Variants in MSANTD4 observed in about 807,000 individuals in gnomAD.
The protein encoded by MSANTD4 is Myb/SANT DNA binding domain containing 4 with coiled-coils.
In MSANTD4, 13 loss-of-function variants were observed where a neutral mutation model predicts 34.3. The observed-to-expected ratio is 0.38, with a 90% CI of 0.25 to 0.60. The LOEUF is 0.60. Among genes scored for constraint, MSANTD4 ranks in the 20% least tolerant of loss-of-function variants. MSANTD4 has a pLI of 0.63. For missense variants in MSANTD4, 358 were observed against 401.8 expected (o/e 0.89, Z 0.93); for synonymous variants, 137 against 145.2 (o/e 0.94, Z 0.41).
intron 2 of MSANTD4, 87 bp from the exon 3 acceptor site, chr11:106,010,197 G>A (rs1045696951): frequency 2.1e-5 from 28 of 1,323,714 alleles, no homozygotes; most frequent in Middle Eastern, 2.0e-4. Context: ...TTTCTGCGTC[G>A]TTTGGGGAAA....
At chr11:106,020,859 G>T (rs2134965377) in intron 1 of MSANTD4, 103 bp downstream of exon 1, 1 of 152,324 alleles carries the variant, frequency 6.6e-6, no homozygotes. Flanking sequence ...TGGCTTAATT[G>T]TGTGAAAATC....
chr11:106,012,834 A>C (rs950146859), intron 1 of MSANTD4, among the ~76,000 whole-genome samples: 1 of 152,182 alleles, frequency 6.6e-6, no homozygotes, highest in Non-Finnish European at 1.5e-5. Flanking sequence ...CAAGCCTTAC[A>C]TAAGTGCATC....
At chr11:106,022,257 T>C (rs1280940545), upstream of MSANTD4, 1 of 152,600 alleles carries the variant, frequency 6.6e-6, no homozygotes, top group Non-Finnish European at 1.5e-5. Flanking sequence ...AGATGCTTCA[T>C]TGATCCCCCG....
chr11:106,019,943 T>C (rs923043791), intron 1 of MSANTD4, among the ~76,000 whole-genome samples: 3 of 152,214 alleles, frequency 2.0e-5, no homozygotes, highest in East Asian at 1.9e-4. Flanking sequence ...ATGGGAATAA[T>C]AGACTAATAC....
Position 106,013,056 on chromosome 11 carries a change from T to G in MSANTD4, c.-150-1989A>C, listed in dbSNP as rs754757235. Among the ~76,000 whole-genome samples the G allele has an allele frequency of 1.3e-3, 191 of 152,290 alleles. 1 individual carries two copies. The highest frequency in any genetic ancestry group is 2.2e-3 in the Non-Finnish European group (153 of 68,018). On this transcript the variant is annotated intron_variant, in intron 1 of 2. Transcript: ENST00000301919. Reference sequence around the variant, plus strand: ...TCTCACACAGTATAGTACATATTGCTTTATTAATATTGATTCAACTGAGGA... The same window carrying G: ...TCTCACACAGTATAGTACATATTGCGTTATTAATATTGATTCAACTGAGGA...
Position 106,009,864 on chromosome 11 carries a change from T to A in MSANTD4, c.709A>T (p.Lys237Ter). Residue 237 changes from lysine to a stop codon, truncating the protein, a stop_gained, in exon 3 of 3, where the codon AAA (lysine) becomes TAA (stop). Transcript: ENST00000301919. LOFTEE classifies it high-confidence loss of function. The part of the protein sequence containing the change: ...QVEKERLQIE[K>*]ERLRHLDMEH... ...ATGTCTAAATGCCGCAGCCTCTCTT[T>A]CTCGATTTGTAGGCGTTCCTTTTCT... is the stretch of plus-strand genomic sequence containing the variant. 6.2e-7 allele frequency: 1 copy of A among 1,613,818 alleles called. No individual in the cohort carries two copies.
At chr11:106,014,510 C>G (rs1366453263) in intron 1 of MSANTD4, among the ~76,000 whole-genome samples, 2 of 152,172 alleles carry the variant, frequency 1.3e-5, no homozygotes, top group Non-Finnish European at 2.9e-5. Flanking sequence ...TACTCTAATT[C>G]ACAATACAAA....
rs374884627 is a variant in MSANTD4 at position 106,009,405 on chromosome 11, T to C, written c.*130A>G. On this transcript the variant is annotated 3_prime_UTR_variant, in exon 3 of 3. Coordinates refer to ENST00000301919, the MANE Select transcript of MSANTD4 (RefSeq NM_032424.3). ...CTACTTAGGCATACAGTTATCCACATATAACTTTTTCCTACTGAACACTGA... is the reference window on the plus strand; with the variant it reads ...CTACTTAGGCATACAGTTATCCACACATAACTTTTTCCTACTGAACACTGA... The C allele has an allele frequency of 2.4e-6, 2 of 817,672 alleles. No individual in the cohort carries two copies. The highest frequency in any genetic ancestry group is 3.8e-6 in the Non-Finnish European group (2 of 525,370). The allele number at this position is 817,672 out of a possible 1,614,324, so 50.7% of individuals were successfully genotyped here.
In MSANTD4 at chr11:106,021,627, A is replaced by C. The variant is rs1174281186; in HGVS notation, c.-816T>G. 1 of 152,178 alleles carries C rather than the reference A, an allele frequency of 6.6e-6. No homozygotes were observed. 9.4% of individuals were successfully genotyped at this position (152,178 alleles called of 1,614,324 possible). On this transcript the variant is annotated 5_prime_UTR_variant, in exon 1 of 3. The change abolishes the stop of an existing upstream ORF in the 5' untranslated region. Coordinates refer to ENST00000301919, the MANE Select transcript of MSANTD4 (RefSeq NM_032424.3). Reference sequence around the variant, plus strand: ...TGGCTTTCCCCTCCCCTATATTCTTATAGGGGATTCACTTCCCTGCCAAAA... The same window carrying C: ...TGGCTTTCCCCTCCCCTATATTCTTCTAGGGGATTCACTTCCCTGCCAAAA...
In MSANTD4 at chr11:106,018,367, T is replaced by G. The variant is rs533508764; in HGVS notation, c.-151+2595A>C. On this transcript the variant is annotated intron_variant, in intron 1 of 2. Coordinates refer to ENST00000301919, the MANE Select transcript of MSANTD4 (RefSeq NM_032424.3). Reference sequence around the variant, plus strand: ...TTAGTAGCTAATCTACTCAAAAGTGTAGGTCTATAGCACATCAAAATAACC... The same window carrying G: ...TTAGTAGCTAATCTACTCAAAAGTGGAGGTCTATAGCACATCAAAATAACC... Among the ~76,000 whole-genome samples the G allele has an allele frequency of 1.3e-3, 191 of 152,308 alleles. 1 individual carries two copies. The highest frequency in any genetic ancestry group is 4.3e-3 in the African/African-American group (178 of 41,570).
At chr11:106,012,798 C>G (rs1380713693) in intron 1 of MSANTD4, among the ~76,000 whole-genome samples, 1 of 152,148 alleles carries the variant, frequency 6.6e-6, no homozygotes, top group Non-Finnish European at 1.5e-5. Context: ...GATTCACATG[C>G]CTCACTCTCT....
chr11:106,013,588 C>T (rs1309834206), intron 1 of MSANTD4, among the ~76,000 whole-genome samples: 1 of 152,150 alleles, frequency 6.6e-6, no homozygotes, highest in Non-Finnish European at 1.5e-5. Flanking sequence ...TGCCCAGGCG[C>T]GGTGGCTCAT....
intron 2 of MSANTD4, 129 bp from the exon 3 acceptor site, chr11:106,010,239 C>T (rs1565387117): frequency 2.6e-5 from 29 of 1,133,960 alleles, no homozygotes; most frequent in Non-Finnish European, 3.5e-5. Flanking sequence ...ATATCATTTA[C>T]ACTGAATTAC....
At chr11:106,015,184 G>A (rs1298069230) in intron 1 of MSANTD4, among the ~76,000 whole-genome samples, 2 of 152,152 alleles carry the variant, frequency 1.3e-5, no homozygotes, top group Non-Finnish European at 2.9e-5. Context: ...AACATCAAAA[G>A]AGGTAGTGTG....
chr11:106,020,138 CA>C (rs1386999086), intron 1 of MSANTD4, among the ~76,000 whole-genome samples: 1 of 152,060 alleles, frequency 6.6e-6, no homozygotes, highest in Admixed American at 6.6e-5. Context: ...GAAATACTAA[CA>C]AAATACTCTG....
At chr11:106,013,258 T>C (rs1412347746) in intron 1 of MSANTD4, among the ~76,000 whole-genome samples, 1 of 152,122 alleles carries the variant, frequency 6.6e-6, no homozygotes, top group Non-Finnish European at 1.5e-5. Context: ...TGACTTTTCC[T>C]CCCCTACAAA....
chr11:106,012,992 C>A (rs553906550), intron 1 of MSANTD4, among the ~76,000 whole-genome samples: 1 of 152,094 alleles, frequency 6.6e-6, no homozygotes, highest in African/African-American at 2.4e-5. Flanking sequence ...TGTCTCATAG[C>A]GGCAGAAAAT....
At chr11:106,012,523 A>G (rs1360830709) in intron 1 of MSANTD4, among the ~76,000 whole-genome samples, 1 of 152,210 alleles carries the variant, frequency 6.6e-6, no homozygotes, top group Non-Finnish European at 1.5e-5. Context: ...CAATATTTGT[A>G]TACAGATTTT....
intron 1 of MSANTD4, among the ~76,000 whole-genome samples, chr11:106,015,584 T>C (rs954716267): frequency 6.6e-6 from 1 of 152,226 alleles, no homozygotes; most frequent in African/African-American, 2.4e-5. Flanking sequence ...AACCTGCCCA[T>C]GAGAGCTCTC....
Sources: gnomAD v4.1 joint callset for allele counts (sites outside exome capture counted in the v4.1 genomes callset) on GRCh38, gnomAD v4.1.1 for gene constraint, MANE v1.5 for transcripts, NCBI Gene and HGNC (gene_info 2026-07-23, HGNC 2026-07-21) for gene names.